Variants in KCNG2 observed in about 807,000 individuals in gnomAD.
KCNG2 encodes the protein potassium voltage-gated channel modifier subfamily G member 2, also known as voltage-gated potassium channel regulatory subunit KCNG2.
KCNG2 carries 7 observed loss-of-function variants against 12.3 expected under a neutral mutation model. The observed-to-expected ratio is 0.57, with a 90% confidence interval of 0.32 to 1.07. KCNG2 has a LOEUF of 1.07. Ranked by LOEUF, KCNG2 falls within the 50% of genes least tolerant of loss-of-function variation. KCNG2 has a pLI of 0.04. For missense variants in KCNG2, 703 were observed against 726.0 expected, an observed-to-expected ratio of 0.97 and a Z score of 0.36; for synonymous variants, 414 against 351.4, an observed-to-expected ratio of 1.18 and a Z score of -1.99.
intron 1 of KCNG2, among the ~76,000 whole-genome samples, chr18:79,818,947 C>G (rs1025904584): frequency 7.2e-5 from 11 of 152,218 alleles, no homozygotes; most frequent in African/African-American, 2.7e-4. Flanking sequence ...CCATTGGTGA[C>G]TAATGTCCGA....
intron 3 of KCNG2, among the ~76,000 whole-genome samples, chr18:79,876,803 G>C (rs1333362769): frequency 6.6e-6 from 1 of 152,244 alleles, no homozygotes; most frequent in Non-Finnish European, 1.5e-5. Context: ...TCTTGCAGAT[G>C]CCTCTCATGG....
chr18:79,875,381 A>T (rs1285344159), intron 3 of KCNG2, among the ~76,000 whole-genome samples: 1 of 152,214 alleles, frequency 6.6e-6, no homozygotes, highest in East Asian at 1.9e-4. Flanking sequence ...CACCGAGCAC[A>T]CATTTCCATC....
At chr18:79,885,002 A>C (rs111794347) in intron 3 of KCNG2, among the ~76,000 whole-genome samples, 10 of 151,462 alleles carry the variant, frequency 6.6e-5, no homozygotes, top group Admixed American at 4.6e-4. Flanking sequence ...CGCTTGCCCA[A>C]CTCTCGGGGT....
Position 79,890,787 on chromosome 18 carries a change from G to A in KCNG2, c.625-8253G>A, listed in dbSNP as rs755901862. Among the ~76,000 whole-genome samples the A allele has an allele frequency of 8.6e-5, 13 of 152,038 alleles. 1 individual carries two copies. Among genetic ancestry groups the A allele is most frequent in the Admixed American group, 3.3e-4 (5 of 15,264 alleles). On this transcript the variant is annotated intron_variant, in intron 3 of 3. Transcript: ENST00000316249. ...TCTGTGCAGATTCTGTTCCTTCCTC[G>A]TTTCTGTAGTTTGTTTTTCTGTGAA...
intron 3 of KCNG2, among the ~76,000 whole-genome samples, chr18:79,877,637 A>G (rs536421816): frequency 2.6e-5 from 4 of 151,546 alleles, no homozygotes; most frequent in African/African-American, 9.7e-5. Flanking sequence ...GAAGCCGCAG[A>G]ATCTTCTGTG....
intron 1 of KCNG2, among the ~76,000 whole-genome samples, chr18:79,807,230 G>A (rs1261079624): frequency 2.0e-5 from 3 of 152,184 alleles, no homozygotes; most frequent in Non-Finnish European, 2.9e-5. Flanking sequence ...CTGGGAGCTC[G>A]TCGCGTAGTC....
At chr18:79,835,050 G>A (rs926245016) in intron 1 of KCNG2, among the ~76,000 whole-genome samples, 29 of 152,214 alleles carry the variant, frequency 1.9e-4, no homozygotes, top group South Asian at 1.0e-3. Context: ...AGCCAGGGAC[G>A]TGTCTGTAGA....
At chr18:79,848,332 C>G (rs769503441) in intron 1 of KCNG2, among the ~76,000 whole-genome samples, 1 of 152,220 alleles carries the variant, frequency 6.6e-6, no homozygotes, top group Admixed American at 6.5e-5. Flanking sequence ...CTCTCAACCC[C>G]GGGAGTCCCA....
intron 1 of KCNG2, among the ~76,000 whole-genome samples, chr18:79,851,800 ATGTG>A (rs1052024887): frequency 1.3e-5 from 2 of 151,382 alleles, no homozygotes; most frequent in Non-Finnish European, 2.9e-5. Flanking sequence ...CATTGTGTGA[ATGTG>A]TGTGAATGTG....
Position 79,800,688 on chromosome 18 carries a change from C to T in KCNG2, c.-115+2674C>T, listed in dbSNP as rs1390128841. Among the ~76,000 whole-genome samples, 4 of 152,218 alleles carry T rather than the reference C, an allele frequency of 2.6e-5. No homozygotes were observed. Among genetic ancestry groups the T allele is most frequent in the African/African-American group, 7.2e-5 (3 of 41,456 alleles). On this transcript the variant is annotated intron_variant, in intron 1 of 3. Transcript: ENST00000316249. The surrounding 1 kb of genome is among the most constrained non-coding windows in gnomAD (Gnocchi z 4.0). ...GAGCCTCAGCAGTTCCTTCCCCGGGCGGGCGGCGCTGAGCAGACGGGAGGT... is the reference window on the plus strand; with the variant it reads ...GAGCCTCAGCAGTTCCTTCCCCGGGTGGGCGGCGCTGAGCAGACGGGAGGT...
intron 2 of KCNG2, 42 bp from the exon 3 acceptor site, chr18:79,863,586 G>C (rs957472593): frequency 1.6e-4 from 184 of 1,151,120 alleles, no homozygotes; most frequent in Non-Finnish European, 1.7e-4. Context: ...CGCTCCCCCA[G>C]CTCAGCCCTC....
At chr18:79,883,751 C>T (rs556663160) in intron 3 of KCNG2, among the ~76,000 whole-genome samples, 1 of 152,362 alleles carries the variant, frequency 6.6e-6, no homozygotes, top group South Asian at 2.1e-4. Flanking sequence ...CCAGCTGTTC[C>T]ACTTCCAGGT....
chr18:79,817,488 TCACA>T (rs1266513621), intron 1 of KCNG2, among the ~76,000 whole-genome samples: 2 of 148,188 alleles, frequency 1.3e-5, no homozygotes, highest in South Asian at 2.1e-4. Context: ...CACACACGTG[TCACA>T]CACAGTTCTC....
At chr18:79,869,301 C>T (rs1368374061) in intron 3 of KCNG2, among the ~76,000 whole-genome samples, 1 of 152,192 alleles carries the variant, frequency 6.6e-6, no homozygotes, top group East Asian at 1.9e-4. Flanking sequence ...ACCACGGAAA[C>T]GCCTGGTCTG....
intron 1 of KCNG2, among the ~76,000 whole-genome samples, chr18:79,807,176 A>T (rs1325453669): frequency 6.6e-6 from 1 of 152,116 alleles, no homozygotes; most frequent in Non-Finnish European, 1.5e-5. Context: ...TCAGGGTCAC[A>T]CATGCAGATG....
chr18:79,861,900 G>A, intron 2 of KCNG2, among the ~76,000 whole-genome samples: 1 of 152,154 alleles, frequency 6.6e-6, no homozygotes, highest in East Asian at 1.9e-4. Context: ...TCTTCAGCGT[G>A]TTCATAGCTG....
chr18:79,840,578 T>C (rs1240384161), intron 1 of KCNG2, among the ~76,000 whole-genome samples: 1 of 152,202 alleles, frequency 6.6e-6, no homozygotes, highest in Non-Finnish European at 1.5e-5. Flanking sequence ...TTAAAAAATA[T>C]ATAGATGAGA....
At chr18:79,831,857 T>C (rs1325858433) in intron 1 of KCNG2, among the ~76,000 whole-genome samples, 1 of 152,172 alleles carries the variant, frequency 6.6e-6, no homozygotes, top group African/African-American at 2.4e-5. Flanking sequence ...GCGGGCGGCC[T>C]AGGTGGTTGT....
chr18:79,866,524 A>AG (rs1979562962), intron 3 of KCNG2, among the ~76,000 whole-genome samples: 2 of 125,922 alleles, frequency 1.6e-5, no homozygotes, highest in African/African-American at 6.3e-5. Flanking sequence ...CTGGGTGCTG[A>AG]AGTCTGGGTG....
Sources: gnomAD v4.1 joint callset for allele counts (sites outside exome capture counted in the v4.1 genomes callset) on GRCh38, gnomAD v4.1.1 for gene constraint, Gnocchi (gnomAD v3.1) non-coding constraint, MANE v1.5 for transcripts, NCBI Gene and HGNC (gene_info 2026-07-23, HGNC 2026-07-21) for gene names.